Variants in ITGAX observed in about 807,000 individuals in gnomAD.
ITGAX encodes the protein integrin alpha-X.
A neutral mutation model predicts 140.2 loss-of-function variants in ITGAX; 99 were observed. That is an observed-to-expected ratio of 0.71 (90% CI 0.60 to 0.83). The LOEUF (loss-of-function observed/expected upper bound fraction) is 0.83. Among genes scored for constraint, ITGAX ranks in the 40% least tolerant of loss-of-function variants. ITGAX has a pLI of 0.00. For missense variants in ITGAX, 1,444 were observed against 1,482.0 expected (o/e 0.97, Z 0.42); for synonymous variants, 631 against 600.4 (o/e 1.05, Z -0.75).
At chr16:31,380,489 C>T (rs1168971055) in intron 27 of ITGAX, 34 bp from the exon 28 acceptor site, 2 of 1,613,756 alleles carry the variant, frequency 1.2e-6, no homozygotes, top group South Asian at 1.1e-5. Context: ...TCCCCCAGAG[C>T]CAGTTCAACA....
chr16:31,361,146 AGTG>A lies in ITGAX; in HGVS notation c.947_949del (p.Val316del). Reference sequence around the variant, plus strand: ...AGCCCTCCCAGGAACACATATTTAAAGTGGAGGACTTTGATGCTCTGAAAGATA... The same window carrying A: ...AGCCCTCCCAGGAACACATATTTAAAGAGGACTTTGATGCTCTGAAAGATA... On this transcript the variant is annotated inframe_deletion, in exon 9 of 30. Coordinates refer to ENST00000268296, the MANE Select transcript of ITGAX (RefSeq NM_000887.5). The A allele has an allele frequency of 6.2e-7, 1 of 1,613,830 alleles. No individual in the cohort carries two copies. The highest frequency in any genetic ancestry group is 8.5e-7 in the Non-Finnish European group (1 of 1,179,904).
Position 31,382,046 on chromosome 16 carries a change from AC to A in ITGAX, c.*140del, listed in dbSNP as rs996243060. On this transcript the variant is annotated 3_prime_UTR_variant, in exon 30 of 30. Transcript: ENST00000268296. ...GCCTGCTTCCTGTCTTTGGGAGAAA[AC>A]GTCTTGCTTGGGAAGGGGCCTTTGT... is the stretch of plus-strand genomic sequence containing the variant. The A allele has an allele frequency of 2.8e-6, 4 of 1,442,424 alleles. No homozygotes were observed. The African/African-American group carries it at 5.8e-5, about 21-fold the overall frequency. The allele number at this position is 1,442,424 out of a possible 1,614,324, so 89.4% of individuals were successfully genotyped here.
In ITGAX at chr16:31,381,825, A is replaced by G. The variant is rs745990333; in HGVS notation, c.3410A>G (p.Tyr1137Cys). The G allele has an allele frequency of 2.3e-6, 2 of 873,152 alleles. No individual in the cohort carries two copies. Among genetic ancestry groups the G allele is most frequent in the South Asian group, 2.6e-5 (2 of 76,546 alleles). The allele number at this position is 873,152 out of a possible 1,614,324, so 54.1% of individuals were successfully genotyped here. Residue 1137 changes from tyrosine (Y) to cysteine (C), a missense_variant, in exon 30 of 30, where the codon TAC (tyrosine) becomes TGC (cysteine). Transcript: ENST00000268296. ...TAGGTTGGCTTCTTCAAGCGTCAGTACAAGGAAATGATGGAGGAGGCAAAT... is the reference window on the plus strand; with the variant it reads ...TAGGTTGGCTTCTTCAAGCGTCAGTGCAAGGAAATGATGGAGGAGGCAAAT... ...LYKVGFFKRQ[Y>C]KEMMEEANGQ...
intron 14 of ITGAX, among the ~76,000 whole-genome samples, chr16:31,368,780 G>GGAGTGTCTACATGAGTTTGTGTC (rs2080919730): frequency 6.6e-6 from 1 of 151,542 alleles, no homozygotes; most frequent in Non-Finnish European, 1.5e-5. Context: ...GTGTCCCTGG[G>GGAGTGTCTACATGAGTTTGTGTC]TACTTGAGAT....
At position 31,380,038 on chromosome 16, in the gene ITGAX, G is replaced by A; in HGVS notation, c.3033G>A (p.Leu1011=). 6.2e-7 allele frequency: 1 copy of A among 1,614,100 alleles called. No individual in the cohort carries two copies. The highest frequency in any genetic ancestry group is 8.5e-7 in the Non-Finnish European group (1 of 1,179,988). ...TCGCACCCCCAGCATCTGACTTCCT[G>A]GCGCACATTCAGAAGAATCCCGTGC... ...EKIAPPASDF[L]AHIQKNPVLD... The change falls in exon 26 of 30, where the codon CTG becomes CTA. Residue 1011 remains leucine, a synonymous_variant. Transcript: ENST00000268296.
chr16:31,381,798 C>A lies in ITGAX; in HGVS notation c.3388-5C>A, dbSNP rs112723689. On this transcript the variant is annotated splice_polypyrimidine_tract_variant and splice_region_variant and intron_variant, in intron 29 of 29. Transcript: ENST00000268296. ...CCTGAGTTTCTTCTTCGTCCTCCCCCCTAGGTTGGCTTCTTCAAGCGTCAG... is the reference window on the plus strand; with the variant it reads ...CCTGAGTTTCTTCTTCGTCCTCCCCACTAGGTTGGCTTCTTCAAGCGTCAG... 5.3e-5 allele frequency: 46 copies of A among 872,288 alleles called. No individual in the cohort carries two copies. The highest frequency in any genetic ancestry group is 1.2e-4 in the East Asian group (5 of 41,704). The allele number at this position is 872,288 out of a possible 1,614,324, so 54.0% of individuals were successfully genotyped here.
chr16:31,355,267 A>G lies in ITGAX; in HGVS notation c.13A>G (p.Arg5Gly). 1.2e-6 allele frequency: 2 copies of G among 1,613,886 alleles called. No homozygotes were observed. Among genetic ancestry groups the G allele is most frequent in the Non-Finnish European group, 1.7e-6 (2 of 1,180,000 alleles). The stretch of plus-strand genomic sequence containing the variant: ...TGACCTTCTAGTCATGACCAGGACC[A>G]GGGCAGCACTCCTCCTGTTCACAGG... MTRT[R>G]AALLLFTALA... Residue 5 changes from arginine to glycine, a missense_variant, in exon 1 of 30, where the codon AGG becomes GGG. Arg to Gly is a moderately radical substitution (Grantham distance 125, BLOSUM62 -2). Coordinates refer to ENST00000268296, the MANE Select transcript of ITGAX (RefSeq NM_000887.5).
chr16:31,360,514 A>C, intron 8 of ITGAX, 51 bp downstream of exon 8: 1 of 1,506,182 alleles, frequency 6.6e-7, no homozygotes, highest in Non-Finnish European at 9.0e-7. Context: ...TCTCAGGGCA[A>C]CTCCCCTTTC....
chr16:31,370,890 A>G (rs925157286), intron 14 of ITGAX, among the ~76,000 whole-genome samples, 194 bp from the exon 15 acceptor site: 8 of 149,076 alleles, frequency 5.4e-5, no homozygotes, highest in Admixed American at 4.7e-4. Flanking sequence ...TCCTATCTCC[A>G]CTCTTACATC....
At chr16:31,365,060 T>C (rs1186839884) in intron 14 of ITGAX, among the ~76,000 whole-genome samples, 5 of 152,102 alleles carry the variant, frequency 3.3e-5, no homozygotes, top group African/African-American at 1.2e-4. Flanking sequence ...AGAGTTGCCA[T>C]GTGATCTGGC....
Position 31,363,232 on chromosome 16 carries a change from C to G in ITGAX, c.1568C>G (p.Ala523Gly), listed in dbSNP as rs200458998. ...EQGHPWGRFG[A>G]ALTVLGDVNG... ...GGCCACCCCTGGGGTCGCTTTGGGG[C>G]GGCTCTGACAGTGCTGGGGGATGTG... The change falls in exon 14 of 30, where the codon GCG (alanine) becomes GGG (glycine). Residue 523 changes from alanine to glycine, a missense_variant. Ala to Gly is a moderately conservative substitution (Grantham distance 60, BLOSUM62 0). Transcript: ENST00000268296. The G allele has an allele frequency of 6.2e-7, 1 of 1,613,430 alleles. No individual in the cohort carries two copies. The highest frequency in any genetic ancestry group is 1.7e-5 in the Admixed American group (1 of 59,890).
chr16:31,380,417 C>T (rs905269074), intron 27 of ITGAX, 38 bp downstream of exon 27: 5 of 1,611,220 alleles, frequency 3.1e-6, no homozygotes, highest in Non-Finnish European at 4.2e-6. Context: ...GCCCCAGACT[C>T]AGGCGGGACC....
chr16:31,361,273 A>G, intron 9 of ITGAX, 60 bp downstream of exon 9: 2 of 1,537,288 alleles, frequency 1.3e-6, no homozygotes, highest in Non-Finnish European at 1.8e-6. Flanking sequence ...CTTTCCACTT[A>G]GAACCCGAGG....
rs1391649718 is a variant in ITGAX at position 31,357,330 on chromosome 16, C to A, written c.396C>A (p.Thr132=). The A allele has an allele frequency of 1.9e-6, 3 of 1,606,696 alleles. No individual in the cohort carries two copies. Among genetic ancestry groups the A allele is most frequent in the Non-Finnish European group, 2.5e-6 (3 of 1,177,256 alleles). ...GACTCTGCTTCCTCCTGGGCCCCAC[C>A]CAGCTCACCCAGAGGCTCCCGGTGT... is the stretch of plus-strand genomic sequence containing the variant. The part of the protein sequence containing the change: ...LTGLCFLLGP[T]QLTQRLPVSR... Residue 132 remains threonine (T), a synonymous_variant, in exon 5 of 30, where the codon ACC becomes ACA. Coordinates refer to ENST00000268296, the MANE Select transcript of ITGAX (RefSeq NM_000887.5).
In ITGAX at chr16:31,379,575, C is replaced by A; in HGVS notation, c.2797C>A (p.Gln933Lys). ...AVYTVVSSHE[Q>K]FTKYLNFSES... ...TGCGTCTTCTCTCTCCAGCCACGAA[C>A]AATTCACCAAATACCTCAACTTCTC... is the stretch of plus-strand genomic sequence containing the variant. Residue 933 changes from glutamine (Q) to lysine (K), a missense_variant, in exon 24 of 30, where the codon CAA becomes AAA. Coordinates refer to ENST00000268296, the MANE Select transcript of ITGAX (RefSeq NM_000887.5). The A allele has an allele frequency of 1.3e-6, 2 of 1,560,852 alleles. No individual in the cohort carries two copies. Among genetic ancestry groups the A allele is most frequent in the Non-Finnish European group, 1.7e-6 (2 of 1,151,094 alleles).
chr16:31,369,669 T>C (rs531214430), intron 14 of ITGAX, among the ~76,000 whole-genome samples: 416 of 152,356 alleles, frequency 2.7e-3, no homozygotes, highest in African/African-American at 9.3e-3. Context: ...AAATATTTTA[T>C]TTTTATTTTT....
chr16:31,355,794 A>G lies in ITGAX; in HGVS notation c.38-99A>G, dbSNP rs2080752751. On this transcript the variant is annotated intron_variant, in intron 1 of 29. Transcript: ENST00000268296. ...AGAAGACCCAGGCACCCCGGGCATCAGGCTCGGAGGGGAGATTGGGACGCT... is the reference window on the plus strand; with the variant it reads ...AGAAGACCCAGGCACCCCGGGCATCGGGCTCGGAGGGGAGATTGGGACGCT... 9.1e-6 allele frequency: 8 copies of G among 880,374 alleles called. No individual in the cohort carries two copies. The South Asian group carries it at 1.2e-4, about 14-fold the overall frequency. 54.5% of individuals were successfully genotyped at this position (880,374 alleles called of 1,614,324 possible).
rs750871769 is a variant in ITGAX, at chr16:31,362,717, G to A, written c.1323G>A (p.Arg441=). The A allele has an allele frequency of 1.9e-6, 3 of 1,613,946 alleles. No individual in the cohort carries two copies. Among genetic ancestry groups the A allele is most frequent in the Admixed American group, 3.3e-5 (2 of 60,010 alleles). The change falls in exon 12 of 30, where the codon AGG becomes AGA. Residue 441 remains arginine (R), a synonymous_variant. Coordinates refer to ENST00000268296, the MANE Select transcript of ITGAX (RefSeq NM_000887.5). ...GKAVIFTQVS[R]QWRMKAEVTG... ...CTGTCATCTTCACCCAGGTGTCCAG[G>A]CAATGGAGGATGAAGGCCGAAGTCA...
chr16:31,373,499 G>A (rs1349023632), intron 20 of ITGAX, 109 bp downstream of exon 20: 8 of 1,145,970 alleles, frequency 7.0e-6, no homozygotes, highest in African/African-American at 6.3e-5. Flanking sequence ...TCTGGGGCAC[G>A]CCTCTGCTCG....
Sources: gnomAD v4.1 joint callset for allele counts (sites outside exome capture counted in the v4.1 genomes callset) on GRCh38, gnomAD v4.1.1 for gene constraint, MANE v1.5 for transcripts, NCBI Gene and HGNC (gene_info 2026-07-23, HGNC 2026-07-21) for gene names.